The following PAPSS1 variants were observed in gnomAD, a reference collection of about 807,000 sequenced individuals.
PAPSS1 encodes bifunctional 3'-phosphoadenosine 5'-phosphosulfate synthase 1.
In PAPSS1, 50 loss-of-function variants were observed where a neutral mutation model predicts 72.0. That is an observed-to-expected ratio of 0.69 (90% CI 0.55 to 0.88). PAPSS1 has a LOEUF of 0.88. Among genes scored for constraint, PAPSS1 ranks in the 40% least tolerant of loss-of-function variants. The pLI, the probability that PAPSS1 is intolerant of heterozygous loss-of-function variation, is 0.00. For missense variants in PAPSS1, 657 were observed against 782.2 expected (o/e 0.84, Z 1.91); for synonymous variants, 261 against 263.6 (o/e 0.99, Z 0.09).
chr4:107,631,986 G>C, intron 10 of PAPSS1, 126 bp from the exon 11 acceptor site: 1 of 670,728 alleles, frequency 1.5e-6, no homozygotes, highest in Non-Finnish European at 2.4e-6. Flanking sequence ...AACAAATTTA[G>C]ATGTATCATC....
intron 3 of PAPSS1, among the ~76,000 whole-genome samples, chr4:107,692,573 G>C (rs1302645890): frequency 6.6e-6 from 1 of 152,162 alleles, no homozygotes; most frequent in South Asian, 2.1e-4. Context: ...GGAAGACAGT[G>C]CAGTGAATCC....
intron 9 of PAPSS1, 149 bp from the exon 10 acceptor site, chr4:107,645,219 A>AG (rs1439587478): frequency 1.3e-5 from 7 of 547,936 alleles, no homozygotes; most frequent in Non-Finnish European, 2.1e-5. Flanking sequence ...AAAAAAAAAA[A>AG]AAAGTACTGC....
rs561484468 is a variant in PAPSS1 at position 107,720,171 on chromosome 4, G to A, written c.9C>T (p.Ile3=). 6.2e-6 allele frequency: 10 copies of A among 1,604,174 alleles called. No individual in the cohort carries two copies. In the East Asian group the frequency reaches 1.8e-4, roughly 29 times the overall value. ...TGACTTTCTTGCACAGGCTCCCGGG[G>A]ATCTCCATGACCGCGGAGCGCGCTG... ME[I]PGSLCKKVKL... Residue 3 remains isoleucine (I), a synonymous_variant, in exon 1 of 12, where the codon ATC becomes ATT. Transcript: ENST00000265174.
At chr4:107,675,361 C>T (rs370356245) in intron 5 of PAPSS1, among the ~76,000 whole-genome samples, 3 of 152,102 alleles carry the variant, frequency 2.0e-5, no homozygotes, top group Admixed American at 6.5e-5. Context: ...ATATCACCCC[C>T]GATCCCACAG....
intron 4 of PAPSS1, 98 bp from the exon 5 acceptor site, chr4:107,682,231 C>T (rs919704577): frequency 4.2e-5 from 24 of 571,720 alleles, no homozygotes; most frequent in Middle Eastern, 4.2e-4. Context: ...TTAGTATCTG[C>T]GCTGTCCCCC....
intron 3 of PAPSS1, among the ~76,000 whole-genome samples, chr4:107,691,681 C>T (rs560161780): frequency 6.6e-6 from 1 of 152,320 alleles, no homozygotes; most frequent in African/African-American, 2.4e-5. Flanking sequence ...CTGTGCTCTT[C>T]TACAAGTATA....
intron 9 of PAPSS1, among the ~76,000 whole-genome samples, chr4:107,650,053 G>A (rs1726798370): frequency 6.6e-6 from 1 of 152,220 alleles, no homozygotes; most frequent in Non-Finnish European, 1.5e-5. Flanking sequence ...GCTGTGCACA[G>A]GACAATAGCT....
chr4:107,701,656 C>A (rs1723207726), intron 1 of PAPSS1, among the ~76,000 whole-genome samples: 1 of 152,124 alleles, frequency 6.6e-6, no homozygotes, highest in African/African-American at 2.4e-5. Context: ...CTACTGAGGC[C>A]CTACTAGTAT....
At chr4:107,628,370 T>C (rs868177612) in intron 11 of PAPSS1, among the ~76,000 whole-genome samples, 1 of 152,198 alleles carries the variant, frequency 6.6e-6, no homozygotes, top group East Asian at 1.9e-4. Context: ...AACAAGAGAA[T>C]GTTGTTTTAA....
At chr4:107,696,333 T>C (rs1049867537) in intron 2 of PAPSS1, among the ~76,000 whole-genome samples, 3 of 152,068 alleles carry the variant, frequency 2.0e-5, no homozygotes, top group East Asian at 1.9e-4. Context: ...CAAATGCCCA[T>C]CAATGATAGC....
chr4:107,649,278 G>A (rs140833723), intron 9 of PAPSS1, among the ~76,000 whole-genome samples: 109 of 152,340 alleles, frequency 7.2e-4, no homozygotes, highest in Middle Eastern at 3.4e-3. Flanking sequence ...GCCTCAGCGC[G>A]TGATTCTGGC....
chr4:107,694,666 T>C (rs1458078026), intron 2 of PAPSS1, among the ~76,000 whole-genome samples: 1 of 152,200 alleles, frequency 6.6e-6, no homozygotes, highest in Admixed American at 6.5e-5. Flanking sequence ...TACCTCCATT[T>C]TCCTAGATCA....
chr4:107,695,519 A>C (rs565817020), intron 2 of PAPSS1, among the ~76,000 whole-genome samples: 2 of 152,162 alleles, frequency 1.3e-5, no homozygotes, highest in East Asian at 3.9e-4. Context: ...CAGAACTTCC[A>C]ATATTATGTT....
chr4:107,616,081 A>AGC (rs1491180180), intron 11 of PAPSS1, among the ~76,000 whole-genome samples: 3 of 25,714 alleles, frequency 1.2e-4, no homozygotes, highest in African/African-American at 3.6e-4. Flanking sequence ...TTTAGAAAAT[A>AGC]GAGAGAGAGA....
chr4:107,698,049 C>A (rs1046502595), intron 2 of PAPSS1, among the ~76,000 whole-genome samples: 2 of 152,198 alleles, frequency 1.3e-5, no homozygotes, highest in Non-Finnish European at 2.9e-5. Flanking sequence ...AACTTCTAGC[C>A]TCGAGAACTG....
Position 107,654,768 on chromosome 4 carries a change from A to C in PAPSS1, c.1028T>G (p.Phe343Cys), listed in dbSNP as rs760820228. ...GCGCTCCTCTTTCCTGTGCTCAAAA[A>C]ACTCTGGATTGCGAAGAATGGCCAC... ...RRVAILRNPEFFEHRKEERCA... is the reference protein window; with the variant it reads ...RRVAILRNPECFEHRKEERCA... Residue 343 changes from phenylalanine to cysteine, a missense_variant, in exon 8 of 12, where the codon TTT (phenylalanine) becomes TGT (cysteine). Physicochemically the swap from Phe to Cys is radical, Grantham distance 205. Coordinates refer to ENST00000265174, the MANE Select transcript of PAPSS1 (RefSeq NM_005443.5). 16 of 1,613,800 alleles carry C rather than the reference A, an allele frequency of 9.9e-6. No homozygotes were observed. The highest frequency in any genetic ancestry group is 4.4e-5 in the South Asian group (4 of 91,064).
At chr4:107,697,874 A>G (rs1296592502) in intron 2 of PAPSS1, among the ~76,000 whole-genome samples, 2 of 152,144 alleles carry the variant, frequency 1.3e-5, no homozygotes, top group African/African-American at 4.8e-5. Flanking sequence ...GATTAGGGTG[A>G]TCCAACAGCT....
chr4:107,656,820 T>C, intron 7 of PAPSS1, 76 bp downstream of exon 7: 1 of 1,042,588 alleles, frequency 9.6e-7, no homozygotes, highest in Non-Finnish European at 1.5e-6. Context: ...CTACTTTTTG[T>C]AAACAGTGAC....
chr4:107,704,935 G>A (rs929605678), intron 1 of PAPSS1, among the ~76,000 whole-genome samples: 3 of 138,632 alleles, frequency 2.2e-5, no homozygotes, highest in Admixed American at 7.7e-5. Flanking sequence ...TGGGTGACAA[G>A]AGCAAAACTC....
Sources: gnomAD v4.1 joint callset for allele counts (sites outside exome capture counted in the v4.1 genomes callset) on GRCh38, gnomAD v4.1.1 for gene constraint, MANE v1.5 for transcripts, NCBI Gene and HGNC (gene_info 2026-07-23, HGNC 2026-07-21) for gene names.